The following PEX13 variants were observed in gnomAD, a reference collection of about 807,000 sequenced individuals.
PEX13 encodes the protein peroxisomal biogenesis factor 13.
Under a neutral mutation model 34.5 loss-of-function variants are expected in PEX13, and 28 were observed. The observed-to-expected ratio is 0.81, with a 90% CI of 0.60 to 1.11. PEX13 has a LOEUF of 1.11. Among genes scored for constraint, PEX13 ranks in the 50% most tolerant of loss-of-function variants. PEX13 has a pLI of 0.00. For missense variants in PEX13, 550 were observed against 491.0 expected, an observed-to-expected ratio of 1.12 and a Z score of -1.13; for synonymous variants, 177 against 175.1, an observed-to-expected ratio of 1.01 and a Z score of -0.09.
intron 1 of PEX13, among the ~76,000 whole-genome samples, chr2:61,030,411 A>G (rs938536543): frequency 1.3e-5 from 2 of 152,174 alleles, no homozygotes; most frequent in African/African-American, 2.4e-5. Context: ...CTCATGCTGT[A>G]AACAGTTGTC....
intron 1 of PEX13, among the ~76,000 whole-genome samples, chr2:61,026,399 C>G (rs1412384983): frequency 2.2e-5 from 3 of 135,626 alleles, no homozygotes; most frequent in Non-Finnish European, 4.6e-5. Flanking sequence ...GGCCGGAGTG[C>G]AGTGGTGCTA....
intron 1 of PEX13, 39 bp downstream of exon 1, chr2:61,017,890 C>T (rs755585555): frequency 1.7e-5 from 26 of 1,534,688 alleles, no homozygotes; most frequent in Non-Finnish European, 2.2e-5. Flanking sequence ...TTTAGTGGGC[C>T]CGAGCGGGGA....
At chr2:61,021,393 A>G (rs1452671143) in intron 1 of PEX13, among the ~76,000 whole-genome samples, 2 of 152,192 alleles carry the variant, frequency 1.3e-5, no homozygotes. Flanking sequence ...GACGGATCCT[A>G]TACCCATGGA....
chr2:61,043,992 C>T (rs1261121048), intron 2 of PEX13, among the ~76,000 whole-genome samples: 9 of 152,110 alleles, frequency 5.9e-5, no homozygotes, highest in Admixed American at 3.3e-4. Context: ...CTTTGTCAGC[C>T]AGGCTGGAGT....
chr2:61,039,439 C>G (rs1274127308), intron 2 of PEX13, among the ~76,000 whole-genome samples: 1 of 151,920 alleles, frequency 6.6e-6, no homozygotes, highest in Non-Finnish European at 1.5e-5. Flanking sequence ...GAAATAATAC[C>G]ACATCTACAA....
At chr2:61,048,023 A>G (rs1680731350) in intron 3 of PEX13, among the ~76,000 whole-genome samples, 1 of 152,206 alleles carries the variant, frequency 6.6e-6, no homozygotes, top group African/African-American at 2.4e-5. Flanking sequence ...ATCACATGAA[A>G]CGAATTTTAT....
At chr2:61,040,842 A>T (rs7567113) in intron 2 of PEX13, among the ~76,000 whole-genome samples, 9,326 of 147,876 alleles carry the variant, frequency 0.063, 1,012 homozygotes, top group African/African-American at 0.22. Context: ...TATATATATA[A>T]AAAAGTATAT....
intron 1 of PEX13, among the ~76,000 whole-genome samples, chr2:61,029,155 AG>A (rs1194292417): frequency 5.9e-5 from 9 of 151,498 alleles, no homozygotes; most frequent in East Asian, 3.9e-4. Context: ...AAAAAAAAAA[AG>A]AGGGCGAACT....
chr2:61,027,101 T>G (rs1490143192), intron 1 of PEX13, among the ~76,000 whole-genome samples: 1 of 151,412 alleles, frequency 6.6e-6, no homozygotes. Context: ...GGCAGGAGGA[T>G]TGCTTGAGCC....
chr2:61,033,694 G>C (rs774705574), intron 2 of PEX13, among the ~76,000 whole-genome samples: 9 of 152,154 alleles, frequency 5.9e-5, no homozygotes, highest in Non-Finnish European at 8.8e-5. Context: ...CATATAGTCA[G>C]GGAACGCCTC....
rs1680750742 is a variant in PEX13, at chr2:61,048,723, G to A, written c.1165G>A (p.Val389Ile). 1 of 1,613,964 alleles carries A rather than the reference G, an allele frequency of 6.2e-7. No individual in the cohort carries two copies. ...TTTTGTTGAAACTAATAAGGTTCCA[G>A]TTGCACCTGATTCCATTGGGAAAGA... ...SVFVETNKVP[V>I]APDSIGKDGE... The change falls in exon 4 of 4, where the codon GTT (valine) becomes ATT (isoleucine). Residue 389 changes from valine (V) to isoleucine (I), a missense_variant. Transcript: ENST00000295030.
At chr2:61,046,825 A>AT in intron 3 of PEX13, among the ~76,000 whole-genome samples, 1 of 152,198 alleles carries the variant, frequency 6.6e-6, no homozygotes, top group African/African-American at 2.4e-5. Flanking sequence ...GGTTTTAGTC[A>AT]TTTTTTGCAG....
intron 1 of PEX13, among the ~76,000 whole-genome samples, chr2:61,028,110 TTATA>T (rs1449152875): frequency 2.0e-5 from 3 of 152,156 alleles, no homozygotes; most frequent in Non-Finnish European, 2.9e-5. Flanking sequence ...ATCCCATAGA[TTATA>T]TACTAATTAC....
chr2:61,037,669 A>C (rs1680557749), intron 2 of PEX13, among the ~76,000 whole-genome samples: 1 of 152,214 alleles, frequency 6.6e-6, no homozygotes, highest in Admixed American at 6.5e-5. Flanking sequence ...GGAAAGATCT[A>C]AAATCAACAC....
At chr2:61,040,839 A>G (rs1680614127) in intron 2 of PEX13, among the ~76,000 whole-genome samples, 1 of 148,092 alleles carries the variant, frequency 6.8e-6, no homozygotes, top group South Asian at 2.1e-4. Context: ...GTGTATATAT[A>G]TAAAAAAGTA....
In PEX13 at chr2:61,031,478, T is replaced by A; in HGVS notation, c.152T>A (p.Val51Glu). 6.2e-7 allele frequency: 1 copy of A among 1,614,206 alleles called. No individual in the cohort carries two copies. The highest frequency in any genetic ancestry group is 8.5e-7 in the Non-Finnish European group (1 of 1,180,038). ...TRPGQPALTR[V>E]PPPILPRPSQ... ...CCTGGACAACCAGCACTTACCAGAG[T>A]GCCCCCACCTATTCTTCCAAGGCCA... is the stretch of plus-strand genomic sequence containing the variant. The change falls in exon 2 of 4, where the codon GTG becomes GAG. Residue 51 changes from valine (V) to glutamate (E), a missense_variant. Physicochemically the swap from Val to Glu is moderately radical, Grantham distance 121 (BLOSUM62 -2). Transcript: ENST00000295030.
Position 61,017,845 on chromosome 2 carries a change from C to G in PEX13, c.86C>G (p.Thr29Ser), listed in dbSNP as rs543856265. 18 of 1,550,418 alleles carry G rather than the reference C, an allele frequency of 1.2e-5. No individual in the cohort carries two copies. In the African/African-American group the frequency reaches 2.3e-4, roughly 20 times the overall value. ...GGACCGGGACCAGGACCGGGCCCCA[C>G]TTTCCAGTGAGTGTGGGATTCTTCA... ...GAGPGPGPGP[T>S]FQSADLGPTL... The change falls in exon 1 of 4, where the codon ACT becomes AGT. Residue 29 changes from threonine to serine, a missense_variant. Transcript: ENST00000295030.
chr2:61,019,784 G>T (rs1368177683), intron 1 of PEX13, among the ~76,000 whole-genome samples: 1 of 152,108 alleles, frequency 6.6e-6, no homozygotes, highest in Admixed American at 6.6e-5. Flanking sequence ...TATGTAGTAT[G>T]TCAAGAGTTT....
intron 1 of PEX13, among the ~76,000 whole-genome samples, chr2:61,022,565 T>C (rs184617827): frequency 9.8e-4 from 150 of 152,374 alleles, no homozygotes; most frequent in African/African-American, 3.2e-3. Context: ...TTTTCTGATA[T>C]GCAATTCCAA....
Sources: gnomAD v4.1 joint callset for allele counts (sites outside exome capture counted in the v4.1 genomes callset) on GRCh38, gnomAD v4.1.1 for gene constraint, MANE v1.5 for transcripts, NCBI Gene and HGNC (gene_info 2026-07-23, HGNC 2026-07-21) for gene names.